Variants in CLEC16A observed in about 807,000 individuals in gnomAD.
The protein encoded by CLEC16A is protein CLEC16A.
CLEC16A carries 51 observed loss-of-function variants against 109.5 expected under a neutral mutation model. The ratio of observed to expected loss-of-function variants is 0.47; its 90% confidence interval spans 0.37 to 0.59. The LOEUF (loss-of-function observed/expected upper bound fraction) is 0.59, where lower values mean the gene tolerates loss of function less well. CLEC16A is among the 20% of genes least tolerant of loss of function. The probability of loss-of-function intolerance (pLI) is 0.00; values close to 1 mark genes in which losing one functional copy is unlikely to be tolerated. For missense variants in CLEC16A, 1,339 were observed against 1,394.0 expected (o/e 0.96, Z 0.63); for synonymous variants, 673 against 564.2 (o/e 1.19, Z -2.73).
Position 11,039,713 on chromosome 16 carries a change from A to G in CLEC16A, c.1538-41A>G. 3 of 1,566,336 alleles carry G rather than the reference A, an allele frequency of 1.9e-6. No individual in the cohort carries two copies. The South Asian group carries it at 3.6e-5, about 19-fold the overall frequency. ...ACCTTTCGGTATGAGGAGGTCAGGT[A>G]GTCAGGAGGCCTCCACTTACATCCT... On this transcript the variant is annotated intron_variant, in intron 13 of 23. Transcript: ENST00000409790.
intron 12 of CLEC16A, among the ~76,000 whole-genome samples, chr16:11,023,898 C>T (rs181406243): frequency 3.3e-5 from 5 of 152,312 alleles, no homozygotes; most frequent in South Asian, 4.1e-4. Flanking sequence ...GGCCTGTGGG[C>T]CAGACCTGTG....
At chr16:10,959,106 T>A (rs1180969361) in intron 2 of CLEC16A, among the ~76,000 whole-genome samples, 3 of 152,024 alleles carry the variant, frequency 2.0e-5, no homozygotes, top group Non-Finnish European at 4.4e-5. Context: ...AAAGTAAAAG[T>A]GTTCTATTTT....
At chr16:11,002,160 T>TA (rs1396723246) in intron 10 of CLEC16A, among the ~76,000 whole-genome samples, 2 of 152,224 alleles carry the variant, frequency 1.3e-5, no homozygotes. Flanking sequence ...TCTCTGTGCT[T>TA]CAGTTTCTTC....
intron 22 of CLEC16A, among the ~76,000 whole-genome samples, chr16:11,143,944 A>T (rs2053948649): frequency 6.6e-6 from 1 of 151,952 alleles, no homozygotes; most frequent in Admixed American, 6.6e-5. Flanking sequence ...TTTTATTCTT[A>T]TTCCCTATCC....
At position 11,051,651 on chromosome 16, in the gene CLEC16A, C is replaced by G; in HGVS notation, c.1995+10C>G. 6.2e-7 allele frequency: 1 copy of G among 1,612,590 alleles called. No individual in the cohort carries two copies. On this transcript the variant is annotated intron_variant, in intron 18 of 23. Coordinates refer to ENST00000409790, the MANE Select transcript of CLEC16A (RefSeq NM_015226.3). ...GGAGAAGACCCGGCGGGTGAGTGAG[C>G]ACAGGACCTGTCATCTCCTGGGCCA...
At chr16:11,111,841 G>T (rs773095507) in intron 19 of CLEC16A, among the ~76,000 whole-genome samples, 4 of 152,220 alleles carry the variant, frequency 2.6e-5, no homozygotes, top group Non-Finnish European at 4.4e-5. Flanking sequence ...TCATGGTAAT[G>T]ATATGAAGTT....
chr16:11,120,590 T>G, intron 19 of CLEC16A, 25 bp from the exon 20 acceptor site: 1 of 1,593,244 alleles, frequency 6.3e-7, no homozygotes, highest in Non-Finnish European at 8.6e-7. Flanking sequence ...TGTGCCTCAT[T>G]CTCTTCTCAC....
chr16:11,141,697 G>T (rs534248346), intron 22 of CLEC16A, among the ~76,000 whole-genome samples: 14 of 152,394 alleles, frequency 9.2e-5, no homozygotes, highest in African/African-American at 3.1e-4. Flanking sequence ...AACCAGGGCA[G>T]CTGGGTGAGG....
rs576423717 is a variant in CLEC16A, at chr16:11,161,906, C to T, written c.2642-4482C>T. Among the ~76,000 whole-genome samples, 19 of 152,278 alleles carry T rather than the reference C, an allele frequency of 1.2e-4. No homozygotes were observed. In the South Asian group the frequency reaches 2.9e-3, roughly 23 times the overall value. ...TGCAAGCCCCTAGGCGGCTGCTGGC[C>T]GGCTCTGAATCTTGAATCACATGGT... On this transcript the variant is annotated intron_variant, in intron 22 of 23. Coordinates refer to ENST00000409790, the MANE Select transcript of CLEC16A (RefSeq NM_015226.3).
At chr16:11,085,272 C>T (rs1204469764) in intron 19 of CLEC16A, among the ~76,000 whole-genome samples, 1 of 152,270 alleles carries the variant, frequency 6.6e-6, no homozygotes, top group Non-Finnish European at 1.5e-5. Flanking sequence ...CCCATTTTCA[C>T]TCCACAGGCC....
At chr16:10,962,286 C>G (rs1424649803) in intron 2 of CLEC16A, among the ~76,000 whole-genome samples, 169 bp from the exon 3 acceptor site, 1 of 152,132 alleles carries the variant, frequency 6.6e-6, no homozygotes, top group African/African-American at 2.4e-5. Flanking sequence ...TATCTTATTC[C>G]TTTGCTGGGA....
At chr16:11,023,759 C>T (rs918881908) in intron 12 of CLEC16A, among the ~76,000 whole-genome samples, 2 of 152,322 alleles carry the variant, frequency 1.3e-5, no homozygotes, top group Admixed American at 6.5e-5. Flanking sequence ...ATCCAATGTT[C>T]ATTGGAGCTT....
In CLEC16A at chr16:11,039,822, A is replaced by G. The variant is rs934514383; in HGVS notation, c.1606A>G (p.Asn536Asp). 3 of 1,612,040 alleles carry G rather than the reference A, an allele frequency of 1.9e-6. No homozygotes were observed. Among genetic ancestry groups the G allele is most frequent in the Non-Finnish European group, 2.5e-6 (3 of 1,179,222 alleles). ...VPNAAEKTTY[N>D]HPLAERLIRI... is the part of the protein sequence containing the mutation. ...AAATGCGGCCGAGAAGACCACCTAC[A>G]ACCACCCGCTAGCTGAAAGACTCAT... The change falls in exon 14 of 24, where the codon AAC becomes GAC. Residue 536 changes from asparagine (N) to aspartate (D), a missense_variant. By Grantham distance (23) the Asn-to-Asp change is conservative. Coordinates refer to ENST00000409790, the MANE Select transcript of CLEC16A (RefSeq NM_015226.3).
chr16:11,000,700 G>A (rs951806537), intron 10 of CLEC16A, among the ~76,000 whole-genome samples: 2 of 152,178 alleles, frequency 1.3e-5, no homozygotes, highest in African/African-American at 2.4e-5. Flanking sequence ...GAATCATGCA[G>A]CAATTTATGT....
At chr16:11,013,958 A>T (rs1046097334) in intron 11 of CLEC16A, among the ~76,000 whole-genome samples, 2 of 152,088 alleles carry the variant, frequency 1.3e-5, no homozygotes, top group Admixed American at 1.3e-4. Context: ...AAGAAGAAGA[A>T]GAAGAAGAAA....
At chr16:11,060,862 G>T in intron 18 of CLEC16A, 40 bp from the exon 19 acceptor site, 3 of 1,543,786 alleles carry the variant, frequency 1.9e-6, no homozygotes, top group South Asian at 2.4e-5. Flanking sequence ...AAATGACTCT[G>T]CAATCTCACT....
chr16:11,046,691 C>T (rs989835307), intron 16 of CLEC16A, among the ~76,000 whole-genome samples: 2 of 152,110 alleles, frequency 1.3e-5, no homozygotes, highest in African/African-American at 4.8e-5. Flanking sequence ...AACAAGGAGG[C>T]GAGAGGTGTA....
At chr16:11,166,958 C>T (rs1044594909) in intron 23 of CLEC16A, among the ~76,000 whole-genome samples, 1 of 152,062 alleles carries the variant, frequency 6.6e-6, no homozygotes, top group Non-Finnish European at 1.5e-5. Flanking sequence ...CTGTAACATA[C>T]CAGTTTTGTC....
chr16:11,001,065 C>A (rs1313944681), intron 10 of CLEC16A, among the ~76,000 whole-genome samples: 4 of 152,058 alleles, frequency 2.6e-5, no homozygotes, highest in African/African-American at 9.7e-5. Flanking sequence ...TCTTTTGTGC[C>A]TTTCTAGTCT....
Sources: allele counts gnomAD v4.1 joint callset (sites outside exome capture counted in the v4.1 genomes callset), GRCh38; gene constraint gnomAD v4.1.1; transcripts MANE v1.5; gene names NCBI Gene and HGNC (gene_info 2026-07-23, HGNC 2026-07-21).